Variants in SLX4IP observed in about 807,000 individuals in gnomAD.
SLX4IP encodes the protein protein SLX4IP.
A neutral mutation model predicts 32.9 loss-of-function variants in SLX4IP; 34 were observed. The ratio of observed to expected loss-of-function variants is 1.03; its 90% CI spans 0.79 to 1.38. The LOEUF (loss-of-function observed/expected upper bound fraction) is 1.38. SLX4IP is among the 40% of genes most tolerant of loss of function. The pLI is 0.00. For synonymous variants in SLX4IP, 172 were observed against 171.7 expected, an observed-to-expected ratio of 1.00 and a Z score of -0.01; for missense variants, 444 against 479.0, an observed-to-expected ratio of 0.93 and a Z score of 0.68.
chr20:10,511,817 T>C (rs942006393), intron 2 of SLX4IP, among the ~76,000 whole-genome samples: 9 of 152,234 alleles, frequency 5.9e-5, no homozygotes, highest in African/African-American at 2.2e-4. Context: ...TCTTCTTCTC[T>C]AGTAAATAGT....
At chr20:10,587,486 A>G (rs1186333146) in intron 4 of SLX4IP, among the ~76,000 whole-genome samples, 1 of 152,154 alleles carries the variant, frequency 6.6e-6, no homozygotes, top group Non-Finnish European at 1.5e-5. Context: ...ATAAAACAGG[A>G]AAAAAATATA....
Position 10,624,183 on chromosome 20 carries a change from G to A in SLX4IP, c.*804G>A, listed in dbSNP as rs930180317. 8 of 152,240 alleles carry A rather than the reference G, an allele frequency of 5.3e-5. No homozygotes were observed. The highest frequency in any genetic ancestry group is 1.9e-4 in the African/African-American group (8 of 41,440). The allele number at this position is 152,240 out of a possible 1,614,324, so 9.4% of individuals were successfully genotyped here. A position where few individuals can be genotyped will look rare whatever the true frequency, so the allele number is the denominator to read the frequency against. On this transcript the variant is annotated 3_prime_UTR_variant, in exon 8 of 8. Coordinates refer to ENST00000334534, the MANE Select transcript of SLX4IP (RefSeq NM_001009608.3). ...GTTACTTTCCCTTATAATTGTTGAAGTCGATGGGCGATTCTGCCCAACCTT... is the reference window on the plus strand; with the variant it reads ...GTTACTTTCCCTTATAATTGTTGAAATCGATGGGCGATTCTGCCCAACCTT...
At chr20:10,441,394 G>A (rs1391086000) in intron 1 of SLX4IP, among the ~76,000 whole-genome samples, 2 of 152,078 alleles carry the variant, frequency 1.3e-5, no homozygotes, top group Non-Finnish European at 2.9e-5. Context: ...CCGTGATCAC[G>A]CCACTGCACT....
intron 2 of SLX4IP, among the ~76,000 whole-genome samples, chr20:10,466,667 C>G (rs887228930): frequency 1.3e-5 from 2 of 152,112 alleles, no homozygotes; most frequent in African/African-American, 4.8e-5. Context: ...TAATGATCCC[C>G]TCCTCTTTCT....
chr20:10,508,356 T>C (rs2065777065), intron 2 of SLX4IP, among the ~76,000 whole-genome samples: 1 of 152,218 alleles, frequency 6.6e-6, no homozygotes, highest in South Asian at 2.1e-4. Flanking sequence ...TTGTCCTGGG[T>C]CAGTTTGTCC....
chr20:10,466,988 AAG>A (rs2065385965), intron 2 of SLX4IP, among the ~76,000 whole-genome samples: 2 of 152,200 alleles, frequency 1.3e-5, no homozygotes, highest in African/African-American at 4.8e-5. Flanking sequence ...ACACCACAAA[AAG>A]AGAAATAAGC....
intron 2 of SLX4IP, among the ~76,000 whole-genome samples, chr20:10,524,848 T>C (rs532030863): frequency 3.9e-5 from 6 of 152,320 alleles, no homozygotes; most frequent in African/African-American, 1.4e-4. Context: ...TCTGATCTCC[T>C]GCTCAGTCAT....
At chr20:10,512,245 T>C (rs2065813584) in intron 2 of SLX4IP, among the ~76,000 whole-genome samples, 1 of 152,180 alleles carries the variant, frequency 6.6e-6, no homozygotes, top group Admixed American at 6.5e-5. Context: ...TGGCTTATAA[T>C]TTTCACTTAA....
intron 2 of SLX4IP, among the ~76,000 whole-genome samples, chr20:10,491,324 C>A (rs1001076073): frequency 6.6e-6 from 1 of 152,142 alleles, no homozygotes; most frequent in Admixed American, 6.5e-5. Flanking sequence ...TCTCCCTCAA[C>A]TCCCCTGTTT....
intron 2 of SLX4IP, among the ~76,000 whole-genome samples, chr20:10,490,287 A>G (rs1481021314): frequency 1.3e-5 from 2 of 152,172 alleles, no homozygotes; most frequent in Admixed American, 1.3e-4. Context: ...AATAAAATAT[A>G]ATAATTAAAA....
At chr20:10,573,078 T>C (rs1335846220) in intron 4 of SLX4IP, among the ~76,000 whole-genome samples, 2 of 152,226 alleles carry the variant, frequency 1.3e-5, no homozygotes, top group Non-Finnish European at 2.9e-5. Context: ...AAAAAAAGCT[T>C]TCTCCTTGCT....
At chr20:10,604,238 A>G (rs548063363) in intron 6 of SLX4IP, among the ~76,000 whole-genome samples, 3 of 152,328 alleles carry the variant, frequency 2.0e-5, no homozygotes, top group African/African-American at 7.2e-5. Context: ...TGTTGGAAAG[A>G]TTTCTTTGGC....
intron 4 of SLX4IP, among the ~76,000 whole-genome samples, chr20:10,572,570 C>A (rs1187157201): frequency 6.6e-6 from 1 of 152,116 alleles, no homozygotes; most frequent in African/African-American, 2.4e-5. Context: ...GTTTGTGGAA[C>A]AGTAACAGTA....
At chr20:10,517,210 A>T (rs144908113) in intron 2 of SLX4IP, among the ~76,000 whole-genome samples, 1 of 152,214 alleles carries the variant, frequency 6.6e-6, no homozygotes, top group African/African-American at 2.4e-5. Context: ...ACTGTCATCA[A>T]ACCCTCACAG....
chr20:10,477,115 G>C (rs541661760), intron 2 of SLX4IP, among the ~76,000 whole-genome samples: 1 of 152,208 alleles, frequency 6.6e-6, no homozygotes, highest in Admixed American at 6.5e-5. Flanking sequence ...GGTGTCTTAG[G>C]TTCTAAAGAT....
chr20:10,597,812 G>C (rs1248443214), intron 4 of SLX4IP, among the ~76,000 whole-genome samples: 1 of 152,154 alleles, frequency 6.6e-6, no homozygotes, highest in Non-Finnish European at 1.5e-5. Context: ...CCTGCCAGCA[G>C]CGTATGAGAA....
Position 10,624,966 on chromosome 20 carries a change from C to T in SLX4IP, c.*1587C>T, listed in dbSNP as rs570359834. 1.3e-5 allele frequency: 2 copies of T among 152,426 alleles called. No individual in the cohort carries two copies. The highest frequency in any genetic ancestry group is 2.9e-5 in the Non-Finnish European group (2 of 68,218). The allele number at this position is 152,426 out of a possible 1,614,324, so 9.4% of individuals were successfully genotyped here. On this transcript the variant is annotated 3_prime_UTR_variant, in exon 8 of 8. Coordinates refer to ENST00000334534, the MANE Select transcript of SLX4IP (RefSeq NM_001009608.3). ...TCCCATGATCCCAGCCTCACCACCC[C>T]CACTTGAAACAGCCCTTCCTACTGG...
chr20:10,517,758 G>A (rs1442163040), intron 2 of SLX4IP, among the ~76,000 whole-genome samples: 1 of 152,128 alleles, frequency 6.6e-6, no homozygotes, highest in African/African-American at 2.4e-5. Flanking sequence ...GTGGAGAAGC[G>A]ACCTGGGCTG....
At chr20:10,473,052 T>C (rs2065439328) in intron 2 of SLX4IP, among the ~76,000 whole-genome samples, 1 of 152,238 alleles carries the variant, frequency 6.6e-6, no homozygotes, top group Admixed American at 6.5e-5. Flanking sequence ...TAAAAATAAC[T>C]TAATTTGAAA....
Sources: gnomAD v4.1 joint callset for allele counts (sites outside exome capture counted in the v4.1 genomes callset) on GRCh38, gnomAD v4.1.1 for gene constraint, MANE v1.5 for transcripts, NCBI Gene and HGNC (gene_info 2026-07-23, HGNC 2026-07-21) for gene names.